Variants in DARS1 observed in about 807,000 individuals in gnomAD.
DARS1 encodes the protein aspartyl-tRNA synthetase 1.
In DARS1, 51 loss-of-function variants were observed where a neutral mutation model predicts 68.8. The ratio of observed to expected loss-of-function variants is 0.74; its 90% CI spans 0.59 to 0.94. DARS1 has a LOEUF of 0.94. Among genes scored for constraint, DARS1 ranks in the 40% least tolerant of loss-of-function variants. DARS1 has a pLI of 0.00. For synonymous variants in DARS1, 203 were observed against 190.4 expected (o/e 1.07, Z -0.55); for missense variants, 607 against 597.3 (o/e 1.02, Z -0.17).
intron 4 of DARS1, among the ~76,000 whole-genome samples, chr2:135,953,106 G>A (rs1681880244): frequency 6.6e-6 from 1 of 152,058 alleles, no homozygotes; most frequent in Non-Finnish European, 1.5e-5. Flanking sequence ...GCATAGGACG[G>A]TTAGTTTTAG....
At chr2:135,962,295 G>A (rs1682119832) in intron 3 of DARS1, among the ~76,000 whole-genome samples, 1 of 151,954 alleles carries the variant, frequency 6.6e-6, no homozygotes. Flanking sequence ...GTATCCTTGT[G>A]ACATCCCTTT....
At chr2:135,971,856 ATAAAAT>A (rs773996014) in intron 3 of DARS1, among the ~76,000 whole-genome samples, 8 of 152,166 alleles carry the variant, frequency 5.3e-5, no homozygotes, top group Non-Finnish European at 1.2e-4. Flanking sequence ...ATAACCACAA[ATAAAAT>A]TAAACACCTA....
chr2:135,911,496 G>C lies in DARS1; in HGVS notation c.1231-3C>G, dbSNP rs1209019687. The C allele has an allele frequency of 1.1e-6, 1 of 905,948 alleles. No individual in the cohort carries two copies. Among genetic ancestry groups the C allele is most frequent in the Admixed American group, 1.8e-5 (1 of 55,700 alleles). 56.1% of individuals were successfully genotyped at this position (905,948 alleles called of 1,614,324 possible). On this transcript the variant is annotated splice_polypyrimidine_tract_variant and splice_region_variant and intron_variant, in intron 13 of 15. Coordinates refer to ENST00000264161, the MANE Select transcript of DARS1 (RefSeq NM_001349.4). ...ATATCGTAAGAGTTGGACTGTTTCT[G>C]CAAGAGAAAAAACACCAGTCCTCAA...
Position 135,909,632 on chromosome 2 carries a change from A to G in DARS1, c.1414+1507T>C, listed in dbSNP as rs1217209406. ...CATTCTACTCTTTGTCTATGGGTTCAACTTTTAAAAGGTACCATATATATG... is the reference window on the plus strand; with the variant it reads ...CATTCTACTCTTTGTCTATGGGTTCGACTTTTAAAAGGTACCATATATATG... On this transcript the variant is annotated intron_variant, in intron 15 of 15. Transcript: ENST00000264161. Among the ~76,000 whole-genome samples, 3 of 152,274 alleles carry G rather than the reference A, an allele frequency of 2.0e-5. No homozygotes were observed. The East Asian group carries it at 5.8e-4, about 29-fold the overall frequency.
chr2:135,983,018 G>T (rs536309693), intron 2 of DARS1, among the ~76,000 whole-genome samples: 1 of 152,188 alleles, frequency 6.6e-6, no homozygotes, highest in Non-Finnish European at 1.5e-5. Context: ...GGGGTTGGGG[G>T]AAGTAAAAGA....
intron 4 of DARS1, among the ~76,000 whole-genome samples, chr2:135,948,877 CAAA>C (rs35323281): frequency 1.5e-5 from 2 of 132,174 alleles, no homozygotes; most frequent in Non-Finnish European, 1.7e-5. Flanking sequence ...CTCCCGTCTC[CAAA>C]AAAAAAAAAA....
intron 4 of DARS1, among the ~76,000 whole-genome samples, chr2:135,944,003 A>G (rs542907233): frequency 3.5e-4 from 54 of 152,304 alleles, no homozygotes; most frequent in African/African-American, 1.3e-3. Flanking sequence ...CTCCGTCATC[A>G]GATTTATGAT....
At chr2:135,925,791 A>C (rs1681200658) in intron 7 of DARS1, among the ~76,000 whole-genome samples, 1 of 152,262 alleles carries the variant, frequency 6.6e-6, no homozygotes, top group African/African-American at 2.4e-5. Context: ...CAATCAAAAC[A>C]AATGGCATAA....
chr2:135,972,145 A>G (rs1558799657), intron 3 of DARS1, among the ~76,000 whole-genome samples: 1 of 152,172 alleles, frequency 6.6e-6, no homozygotes, highest in Non-Finnish European at 1.5e-5. Context: ...CAAAAATAAT[A>G]AAACTGGAGG....
Position 135,907,261 on chromosome 2 carries a change from T to TTTTTTTTTTTTTGTTG in DARS1, c.*54_*55insCAACAAAAAAAAAAAA. 1 of 889,242 alleles carries TTTTTTTTTTTTTGTTG rather than the reference T, an allele frequency of 1.1e-6. No homozygotes were observed. The highest frequency in any genetic ancestry group is 3.1e-5 in the East Asian group (1 of 32,218). 55.1% of individuals were successfully genotyped at this position (889,242 alleles called of 1,614,324 possible). ...GGCTTTCTTTTTTTTTTTTTTTTTT[T>TTTTTTTTTTTTTGTTG]GAGGCAGGGTCTCGCTCTGTCATCC... On this transcript the variant is annotated 3_prime_UTR_variant, in exon 16 of 16. Transcript: ENST00000264161.
At chr2:135,985,318 A>AG in intron 1 of DARS1, 85 bp downstream of exon 1, 1 of 1,527,122 alleles carries the variant, frequency 6.5e-7, no homozygotes, top group East Asian at 2.3e-5. Flanking sequence ...AAGGACCTGT[A>AG]GGGCCCCACT....
In DARS1 at chr2:135,985,613, G is replaced by A. The variant is rs1338947790; in HGVS notation, c.-145C>T. 15 of 1,495,504 alleles carry A rather than the reference G, an allele frequency of 1.0e-5. No individual in the cohort carries two copies. In the East Asian group the frequency reaches 1.7e-4, roughly 17 times the overall value. The allele number at this position is 1,495,504 out of a possible 1,614,324, so 92.6% of individuals were successfully genotyped here. On this transcript the variant is annotated 5_prime_UTR_variant, in exon 1 of 16. Coordinates refer to ENST00000264161, the MANE Select transcript of DARS1 (RefSeq NM_001349.4). ...GCGCTCGGACTCCGCGTGGAGGTGC[G>A]GCTCCAGAAAGATCGCGAGAGCTGC...
intron 1 of DARS1, chr2:135,985,102 A>AG (rs1682742893): frequency 2.1e-6 from 1 of 479,066 alleles, no homozygotes. Context: ...CCTAACCCAG[A>AG]GAGACTCAAG....
At chr2:135,922,421 T>C (rs1681124549) in intron 9 of DARS1, among the ~76,000 whole-genome samples, 1 of 152,176 alleles carries the variant, frequency 6.6e-6, no homozygotes, top group Non-Finnish European at 1.5e-5. Context: ...TTAAAATATA[T>C]ACTTAGGTAT....
At chr2:135,961,147 C>T (rs931973126) in intron 4 of DARS1, among the ~76,000 whole-genome samples, 12 of 152,176 alleles carry the variant, frequency 7.9e-5, no homozygotes, top group African/African-American at 2.9e-4. Context: ...TGTTACTCTA[C>T]TTGAAAGTAA....
At chr2:135,976,698 T>C (rs1682506725) in intron 3 of DARS1, among the ~76,000 whole-genome samples, 1 of 150,854 alleles carries the variant, frequency 6.6e-6, no homozygotes, top group Non-Finnish European at 1.5e-5. Flanking sequence ...ACTTTTTGAG[T>C]GCCGACATGA....
At chr2:135,983,879 C>G (rs923004764) in intron 1 of DARS1, among the ~76,000 whole-genome samples, 3 of 152,064 alleles carry the variant, frequency 2.0e-5, no homozygotes, top group Non-Finnish European at 2.9e-5. Flanking sequence ...CAAAGAGAAC[C>G]AACGTTTTGG....
At chr2:135,928,274 T>G (rs1402146387) in intron 7 of DARS1, among the ~76,000 whole-genome samples, 1 of 152,164 alleles carries the variant, frequency 6.6e-6, no homozygotes, top group East Asian at 1.9e-4. Context: ...GATACTACTG[T>G]GAAGCTGGAC....
chr2:135,961,463 A>G lies in DARS1; in HGVS notation c.253T>C (p.Phe85Leu). 6.5e-7 allele frequency: 1 copy of G among 1,547,904 alleles called. No individual in the cohort carries two copies. Among genetic ancestry groups the G allele is most frequent in the Non-Finnish European group, 8.9e-7 (1 of 1,119,412 alleles). The change falls in exon 4 of 16, where the codon TTT becomes CTT. Residue 85 changes from phenylalanine (F) to leucine (L), a missense_variant. Transcript: ENST00000264161. ...ACCGCCACAAGAGCCTGGACATTAA[A>G]CTGCTGCTGACGTAGGACTAAGAAG... ...QCFLVLRQQQ[F>L]NVQALVAVGD...
Sources: allele counts gnomAD v4.1 joint callset (sites outside exome capture counted in the v4.1 genomes callset), GRCh38; gene constraint gnomAD v4.1.1; transcripts MANE v1.5; gene names NCBI Gene and HGNC (gene_info 2026-07-23, HGNC 2026-07-21).